SHB: variants seen among roughly 807,000 people sequenced by gnomAD.
SHB encodes SH2 domain containing adaptor protein B.
In SHB, 20 loss-of-function variants were observed where a neutral mutation model predicts 52.3. The observed-to-expected ratio is 0.38, with a 90% CI of 0.27 to 0.56. SHB has a LOEUF of 0.56. Ranked by LOEUF, SHB falls within the 20% of genes least tolerant of loss-of-function variation. SHB has a pLI of 0.71. For missense variants in SHB, 825 were observed against 723.3 expected (o/e 1.14, Z -1.61); for synonymous variants, 397 against 316.5 (o/e 1.25, Z -2.70).
chr9:38,014,580 G>A (rs1015391849), intron 2 of SHB, among the ~76,000 whole-genome samples: 39 of 152,224 alleles, frequency 2.6e-4, no homozygotes, highest in Admixed American at 2.2e-3. Flanking sequence ...GCCTCTTGTT[G>A]CCCACTGAGG....
rs747385431 is a variant in SHB, at chr9:38,067,970, C to T, written c.676G>A (p.Ala226Thr). ...GCCCCGCTCTCCTCCGCGGCTGAGGCGGCGCACTTGTTGAGCAGTTTCTTG... is the reference window on the plus strand; with the variant it reads ...GCCCCGCTCTCCTCCGCGGCTGAGGTGGCGCACTTGTTGAGCAGTTTCTTG... ...GGKKLLNKCAASAAEESGAGK... is the reference protein window; with the variant it reads ...GGKKLLNKCATSAAEESGAGK... Residue 226 changes from alanine (A) to threonine (T), a missense_variant, in exon 1 of 6, where the codon GCC becomes ACC. By Grantham distance (58) the Ala-to-Thr change is moderately conservative (BLOSUM62 0). Transcript: ENST00000377707. 2 of 1,552,364 alleles carry T rather than the reference C, an allele frequency of 1.3e-6. No individual in the cohort carries two copies. The highest frequency in any genetic ancestry group is 1.8e-5 in the Admixed American group (1 of 54,212).
At chr9:38,051,204 A>G (rs1821734058) in intron 1 of SHB, among the ~76,000 whole-genome samples, 1 of 152,154 alleles carries the variant, frequency 6.6e-6, no homozygotes, top group Admixed American at 6.5e-5. Flanking sequence ...GCACTTTGGA[A>G]GGCGAGGCGG....
At position 37,985,328 on chromosome 9, in the gene SHB, A is replaced by T. The variant is rs557558209; in HGVS notation, c.839-10491T>A. 3.3e-5 allele frequency among the ~76,000 whole-genome samples: 5 copies of T among 152,372 alleles called. No homozygotes were observed. The South Asian group carries it at 1.0e-3, about 32-fold the overall frequency. On this transcript the variant is annotated intron_variant, in intron 2 of 5. Transcript: ENST00000377707. ...CTTCTCATGAGCCCCTCTGGCCTGA[A>T]GTACTCGAAGAGAGACAAAGCCTGC... is the stretch of plus-strand genomic sequence containing the variant.
At chr9:37,950,923 G>T (rs1832559324) in intron 4 of SHB, among the ~76,000 whole-genome samples, 1 of 152,192 alleles carries the variant, frequency 6.6e-6, no homozygotes, top group African/African-American at 2.4e-5. Context: ...TACATTTCCA[G>T]GTGCAAGTGG....
intron 4 of SHB, among the ~76,000 whole-genome samples, chr9:37,954,452 A>C (rs1832604991): frequency 6.8e-6 from 1 of 148,066 alleles, no homozygotes; most frequent in African/African-American, 2.5e-5. Context: ...TACCAGGCAA[A>C]GGGTGGGAAT....
At chr9:37,949,539 C>G (rs765149252) in intron 4 of SHB, among the ~76,000 whole-genome samples, 11 of 152,124 alleles carry the variant, frequency 7.2e-5, no homozygotes, top group Non-Finnish European at 1.5e-4. Context: ...GCAGCGAAGG[C>G]CAAGGCAGAA....
Position 38,068,705 on chromosome 9 carries a change from G to C in SHB, c.-60C>G, listed in dbSNP as rs1822012981. On this transcript the variant is annotated 5_prime_UTR_variant, in exon 1 of 6. Transcript: ENST00000377707. ...CCGGTCCGCCGCCGCGGCCATTCGG[G>C]GGGCAGCGCTGCGGCGCAGGTCCCT... The C allele has an allele frequency of 8.3e-7, 1 of 1,207,406 alleles. No individual in the cohort carries two copies. Among genetic ancestry groups the C allele is most frequent in the Non-Finnish European group, 1.0e-6 (1 of 968,552 alleles). The allele number at this position is 1,207,406 out of a possible 1,614,324, so 74.8% of individuals were successfully genotyped here. A position where few individuals can be genotyped will look rare whatever the true frequency, so the allele number is the denominator to read the frequency against.
rs754754252 is a variant in SHB at position 37,956,031 on chromosome 9, G to A, written c.1078C>T (p.Arg360Trp). 21 of 1,568,056 alleles carry A rather than the reference G, an allele frequency of 1.3e-5. No homozygotes were observed. The highest frequency in any genetic ancestry group is 9.4e-5 in the South Asian group (8 of 85,384). Reference protein sequence around the residue: ...LAAQFNGNEKRQSSPSPSRDR... With the variant: ...LAAQFNGNEKWQSSPSPSRDR... ...CGCGAAGGTGAGGGGGATGACTGCC[G>A]CTTCTCGTTGCCATTAAACTGTGCT... The change falls in exon 4 of 6, where the codon CGG (arginine) becomes TGG (tryptophan). Residue 360 changes from arginine to tryptophan, a missense_variant. By Grantham distance (101) the Arg-to-Trp change is moderately radical (BLOSUM62 -3). Coordinates refer to ENST00000377707, the MANE Select transcript of SHB (RefSeq NM_003028.3).
chr9:37,920,035 A>AC (rs754660554), intron 5 of SHB, 31 bp from the exon 6 acceptor site: 70 of 1,574,782 alleles, frequency 4.4e-5, no homozygotes, highest in Non-Finnish European at 5.8e-5. Context: ...TATCAGAACT[A>AC]CCCCCCTGAC....
intron 2 of SHB, chr9:38,015,561 G>T: frequency 1.5e-6 from 1 of 686,434 alleles, no homozygotes; most frequent in Non-Finnish European, 2.7e-6. Flanking sequence ...AAATAATTTT[G>T]TCTCTACTAG....
intron 1 of SHB, among the ~76,000 whole-genome samples, chr9:38,060,994 G>C (rs1204235785): frequency 5.9e-5 from 9 of 152,198 alleles, no homozygotes; most frequent in African/African-American, 2.2e-4. Context: ...CAGGCCAAAT[G>C]AAAGCTAGGA....
At chr9:37,947,636 GA>G (rs1420672263) in intron 5 of SHB, among the ~76,000 whole-genome samples, 4 of 152,348 alleles carry the variant, frequency 2.6e-5, no homozygotes, top group East Asian at 1.9e-4. Context: ...GTTGTGGGGG[GA>G]GGGGTCAGTC....
chr9:38,001,926 G>A (rs373233693), intron 2 of SHB, among the ~76,000 whole-genome samples: 3 of 152,170 alleles, frequency 2.0e-5, no homozygotes, highest in Non-Finnish European at 2.9e-5. Flanking sequence ...CAGAGAGCAC[G>A]AGTGGTGGTG....
intron 2 of SHB, among the ~76,000 whole-genome samples, chr9:38,011,805 T>C (rs1301194954): frequency 6.6e-6 from 1 of 152,190 alleles, no homozygotes; most frequent in Non-Finnish European, 1.5e-5. Context: ...TCAGTTTCCC[T>C]ATCTATAAAA....
intron 1 of SHB, among the ~76,000 whole-genome samples, chr9:38,052,013 C>T (rs926720671): frequency 6.6e-6 from 1 of 152,198 alleles, no homozygotes; most frequent in African/African-American, 2.4e-5. Flanking sequence ...TTTCCCTTTC[C>T]CTTCTTGCAC....
intron 1 of SHB, among the ~76,000 whole-genome samples, chr9:38,030,442 T>C (rs1821399543): frequency 6.6e-6 from 1 of 152,212 alleles, no homozygotes; most frequent in Non-Finnish European, 1.5e-5. Flanking sequence ...CACAAAGGGC[T>C]GCAGAGAGCA....
intron 2 of SHB, among the ~76,000 whole-genome samples, chr9:37,995,671 C>A (rs530853481): frequency 6.6e-6 from 1 of 152,202 alleles, no homozygotes; most frequent in Non-Finnish European, 1.5e-5. Flanking sequence ...ATATTAATAT[C>A]AGAAGGAATA....
chr9:38,020,010 T>G (rs1302751497), intron 1 of SHB, among the ~76,000 whole-genome samples: 1 of 152,116 alleles, frequency 6.6e-6, no homozygotes, highest in Non-Finnish European at 1.5e-5. Context: ...ACCTACTTAA[T>G]GAAAAACAAA....
At chr9:38,031,590 A>G (rs551253401) in intron 1 of SHB, among the ~76,000 whole-genome samples, 7 of 152,192 alleles carry the variant, frequency 4.6e-5, no homozygotes, top group African/African-American at 1.7e-4. Flanking sequence ...TCTGGTGTGC[A>G]TGTTATTGCT....
Sources: gnomAD v4.1 joint callset for allele counts (sites outside exome capture counted in the v4.1 genomes callset) on GRCh38, gnomAD v4.1.1 for gene constraint, MANE v1.5 for transcripts, NCBI Gene and HGNC (gene_info 2026-07-23, HGNC 2026-07-21) for gene names.